TRAPPC9: variants seen among roughly 807,000 people sequenced by gnomAD.
TRAPPC9 encodes IKK2 binding protein.
TRAPPC9 carries 83 observed loss-of-function variants against 124.0 expected under a neutral mutation model. The ratio of observed to expected loss-of-function variants is 0.67; its 90% confidence interval spans 0.56 to 0.80. The LOEUF (loss-of-function observed/expected upper bound fraction) is 0.80. TRAPPC9 is among the 30% of genes least tolerant of loss of function. The pLI is 0.00. For synonymous variants in TRAPPC9, 638 were observed against 617.5 expected, an observed-to-expected ratio of 1.03 and a Z score of -0.49; for missense variants, 1,302 against 1,508.3, an observed-to-expected ratio of 0.86 and a Z score of 2.27.
chr8:140,137,246 T>C (rs2061319076), intron 17 of TRAPPC9, among the ~76,000 whole-genome samples: 1 of 152,162 alleles, frequency 6.6e-6, no homozygotes. Flanking sequence ...ACTCAAGTCT[T>C]CCTGGGAGTC....
intron 15 of TRAPPC9, among the ~76,000 whole-genome samples, chr8:140,274,686 C>CCTT (rs2065059748): frequency 6.6e-6 from 1 of 152,200 alleles, no homozygotes. Context: ...CAGCCCTGGA[C>CCTT]CTTCCCTCAA....
chr8:140,366,196 T>C (rs924592118), intron 8 of TRAPPC9, among the ~76,000 whole-genome samples: 5 of 152,238 alleles, frequency 3.3e-5, no homozygotes, highest in Non-Finnish European at 5.9e-5. Flanking sequence ...TGATTCCATA[T>C]CTTTGCCATT....
chr8:140,328,968 A>C (rs1010235580), intron 9 of TRAPPC9, among the ~76,000 whole-genome samples: 5 of 152,180 alleles, frequency 3.3e-5, no homozygotes, highest in Non-Finnish European at 7.3e-5. Flanking sequence ...AGGGCAGGGC[A>C]AGCTCGTCGG....
intron 5 of TRAPPC9, among the ~76,000 whole-genome samples, chr8:140,406,536 C>T (rs2069497170): frequency 6.6e-6 from 1 of 152,230 alleles, no homozygotes; most frequent in South Asian, 2.1e-4. Context: ...CCCTGTGCAG[C>T]TCACTTCTTA....
chr8:139,905,278 CA>C (rs1364174201), intron 20 of TRAPPC9, among the ~76,000 whole-genome samples: 1 of 152,104 alleles, frequency 6.6e-6, no homozygotes, highest in Non-Finnish European at 1.5e-5. Context: ...TTAAAATCAG[CA>C]GGCTGATGTG....
At chr8:139,902,512 A>G (rs989896829) in intron 20 of TRAPPC9, among the ~76,000 whole-genome samples, 1 of 152,226 alleles carries the variant, frequency 6.6e-6, no homozygotes, top group African/African-American at 2.4e-5. Context: ...CAGATACAAA[A>G]TGCAACCCTG....
intron 7 of TRAPPC9, among the ~76,000 whole-genome samples, chr8:140,391,575 G>A (rs953180571): frequency 5.3e-5 from 8 of 151,950 alleles, no homozygotes; most frequent in Admixed American, 3.3e-4. Flanking sequence ...AGCCGGGTGT[G>A]GTGGCACATG....
intron 21 of TRAPPC9, among the ~76,000 whole-genome samples, chr8:139,773,656 C>T (rs978500396): frequency 3.3e-5 from 5 of 152,292 alleles, no homozygotes; most frequent in African/African-American, 1.2e-4. Flanking sequence ...CAGGCATCTG[C>T]CACCTGCCTC....
At chr8:139,827,412 A>G (rs1416755408) in intron 21 of TRAPPC9, among the ~76,000 whole-genome samples, 1 of 152,220 alleles carries the variant, frequency 6.6e-6, no homozygotes, top group Non-Finnish European at 1.5e-5. Flanking sequence ...AGCTTCTTGC[A>G]GCTTCTGAAG....
At chr8:140,036,541 G>A (rs565249466) in intron 17 of TRAPPC9, among the ~76,000 whole-genome samples, 17 of 152,332 alleles carry the variant, frequency 1.1e-4, no homozygotes, top group African/African-American at 4.1e-4. Context: ...GAGAGGCAGA[G>A]GAGCAAGAAG....
chr8:139,890,786 T>G (rs983175956), intron 20 of TRAPPC9, among the ~76,000 whole-genome samples: 1 of 151,932 alleles, frequency 6.6e-6, no homozygotes, highest in African/African-American at 2.4e-5. Context: ...GCATGGCACA[T>G]GTATACGTAT....
Position 139,965,914 on chromosome 8 carries a change from G to C in TRAPPC9, c.2810+22812C>G, listed in dbSNP as rs113811948. On this transcript the variant is annotated intron_variant, in intron 19 of 22. Transcript: ENST00000438773. ...GGGAAGCACAGCAGACTGACATCTC[G>C]GGCTGACATCTCGCACAGCCTGCGC... Among the ~76,000 whole-genome samples the C allele has an allele frequency of 7.7e-3, 1,167 of 152,328 alleles. 22 individuals carry two copies. Among genetic ancestry groups the C allele is most frequent in the African/African-American group, 0.027 (1,122 of 41,578 alleles).
chr8:139,861,763 C>A (rs1292683999), intron 21 of TRAPPC9, among the ~76,000 whole-genome samples: 1 of 152,092 alleles, frequency 6.6e-6, no homozygotes, highest in African/African-American at 2.4e-5. Flanking sequence ...AGTCTCCAAG[C>A]CTTGGTCTCC....
intron 21 of TRAPPC9, among the ~76,000 whole-genome samples, chr8:139,862,725 C>T (rs545528361): frequency 6.6e-6 from 1 of 152,354 alleles, no homozygotes; most frequent in South Asian, 2.1e-4. Context: ...TCAGCAAGTC[C>T]TGGGCAAGTC....
rs541542834 is a variant in TRAPPC9 at position 139,813,152 on chromosome 8, C to T, written c.3055+72727G>A. Among the ~76,000 whole-genome samples the T allele has an allele frequency of 2.2e-4, 34 of 152,330 alleles. 2 individuals are homozygous for T. The South Asian group carries it at 7.0e-3, about 32-fold the overall frequency. ...TCTCCCTGTGTCCCCACAAGCAGGG[C>T]GTGCCCCAGCAGGTAGAACATAAAG... On this transcript the variant is annotated intron_variant, in intron 21 of 22. Coordinates refer to ENST00000438773, the MANE Select transcript of TRAPPC9 (RefSeq NM_001160372.4).
intron 17 of TRAPPC9, among the ~76,000 whole-genome samples, chr8:140,033,799 A>G (rs1198226907): frequency 2.7e-5 from 4 of 147,702 alleles, no homozygotes; most frequent in Non-Finnish European, 5.9e-5. Context: ...CTCCTGCCTC[A>G]GCCTCTTGAG....
At chr8:140,359,649 T>C (rs986229488) in intron 9 of TRAPPC9, among the ~76,000 whole-genome samples, 1 of 152,114 alleles carries the variant, frequency 6.6e-6, no homozygotes, top group Non-Finnish European at 1.5e-5. Flanking sequence ...GGTGGCCACT[T>C]GGTGAGAATT....
At chr8:140,187,616 GC>G (rs1008664374) in intron 17 of TRAPPC9, among the ~76,000 whole-genome samples, 2 of 152,160 alleles carry the variant, frequency 1.3e-5, no homozygotes, top group African/African-American at 2.4e-5. Context: ...TCTTTCACCA[GC>G]ACAAACTCTG....
At chr8:140,325,088 G>A (rs2066702642) in intron 9 of TRAPPC9, among the ~76,000 whole-genome samples, 1 of 152,096 alleles carries the variant, frequency 6.6e-6, no homozygotes, top group South Asian at 2.1e-4. Flanking sequence ...TGAAAAGTAA[G>A]CAATGCATAC....
Sources: allele counts gnomAD v4.1 joint callset (sites outside exome capture counted in the v4.1 genomes callset), GRCh38; gene constraint gnomAD v4.1.1; transcripts MANE v1.5; gene names NCBI Gene and HGNC (gene_info 2026-07-23, HGNC 2026-07-21).